LINGO2: variants seen among roughly 807,000 people sequenced by gnomAD.
LINGO2 encodes leucine rich repeat and Ig domain containing 2.
LINGO2 carries 14 observed loss-of-function variants against 30.6 expected under a neutral mutation model. That is an observed-to-expected ratio of 0.46 (90% CI 0.30 to 0.72). The LOEUF is 0.72. Among genes scored for constraint, LINGO2 ranks in the 30% least tolerant of loss-of-function variants. The pLI is 0.07. For synonymous variants in LINGO2, 317 were observed against 288.5 expected (o/e 1.10, Z -1.00); for missense variants, 729 against 751.7 (o/e 0.97, Z 0.35).
chr9:28,870,676 G>T, the LINGO2 span, among the ~76,000 whole-genome samples: 1 of 151,846 alleles, frequency 6.6e-6, no homozygotes, highest in Non-Finnish European at 1.5e-5. Flanking sequence ...TACCGTACTT[G>T]GTGTCTATAG....
the LINGO2 span, among the ~76,000 whole-genome samples, chr9:28,752,352 G>C: frequency 6.6e-6 from 1 of 151,974 alleles, no homozygotes; most frequent in African/African-American, 2.4e-5. Context: ...AATAGCCGGA[G>C]AGATATAACT....
chr9:28,445,923 AAG>A (rs1257377117), intron 2 of LINGO2, among the ~76,000 whole-genome samples: 2 of 152,230 alleles, frequency 1.3e-5, no homozygotes, highest in Non-Finnish European at 2.9e-5. Flanking sequence ...GAATTCAAAA[AAG>A]GAGAGATTCT....
chr9:28,027,017 C>CA (rs1269152034), intron 4 of LINGO2, among the ~76,000 whole-genome samples: 1 of 152,132 alleles, frequency 6.6e-6, no homozygotes, highest in Admixed American at 6.5e-5. Context: ...GACAGGCTGC[C>CA]AGCTGTATAG....
intron 4 of LINGO2, among the ~76,000 whole-genome samples, chr9:28,164,042 T>G (rs1587118605): frequency 6.6e-6 from 1 of 152,154 alleles, no homozygotes; most frequent in Admixed American, 6.6e-5. Context: ...TAATCAGGAG[T>G]AAATTTTCTC....
intron 1 of LINGO2, among the ~76,000 whole-genome samples, chr9:28,561,464 A>G (rs961263696): frequency 6.6e-6 from 1 of 150,880 alleles, no homozygotes; most frequent in African/African-American, 2.4e-5. Flanking sequence ...ACCTCAGGAG[A>G]TTTGTCCCTG....
rs188921344 is a variant in LINGO2, at chr9:28,618,604, T to C, written c.-365+51596A>G. Among the ~76,000 whole-genome samples, 865 of 152,278 alleles carry C rather than the reference T, an allele frequency of 5.7e-3. 5 individuals carry two copies. Among genetic ancestry groups the C allele is most frequent in the Non-Finnish European group, 7.5e-3 (509 of 68,008 alleles). Reference sequence around the variant, plus strand: ...AGGCTCACAATGACCTGTATGATCTTGCCCTACTTATATATTCAGTTTCTT... The same window carrying C: ...AGGCTCACAATGACCTGTATGATCTCGCCCTACTTATATATTCAGTTTCTT... On this transcript the variant is annotated intron_variant, in intron 1 of 5. Transcript: ENST00000379992.
the LINGO2 span, among the ~76,000 whole-genome samples, chr9:28,780,080 A>G: frequency 6.6e-6 from 1 of 152,166 alleles, no homozygotes; most frequent in Non-Finnish European, 1.5e-5. Flanking sequence ...GGAACCTGAC[A>G]GTAAATGACC....
rs569821164 is a variant in LINGO2, at chr9:28,180,843, A to T, written c.-87+114365T>A. On this transcript the variant is annotated intron_variant, in intron 4 of 5. Coordinates refer to ENST00000379992, the Ensembl canonical transcript of LINGO2. ...CATTCACACATAGACACACACACAC[A>T]CACAGAAAGAAATGTGCAGCATTTG... is the stretch of plus-strand genomic sequence containing the variant. Among the ~76,000 whole-genome samples, 47 of 152,246 alleles carry T rather than the reference A, an allele frequency of 3.1e-4. 1 individual carries two copies. Among genetic ancestry groups the T allele is most frequent in the African/African-American group, 1.1e-3 (45 of 41,550 alleles).
intron 3 of LINGO2, among the ~76,000 whole-genome samples, chr9:28,341,077 C>G (rs1825750830): frequency 6.6e-6 from 1 of 152,024 alleles, no homozygotes; most frequent in South Asian, 2.1e-4. Context: ...ATACTGTTAT[C>G]TGGATTGTTT....
the LINGO2 span, among the ~76,000 whole-genome samples, chr9:28,968,652 T>C: frequency 2.5e-4 from 38 of 152,274 alleles, 1 homozygote; most frequent in South Asian, 7.7e-3. Context: ...TGTTCCAATA[T>C]AAATGCAGAG....
At chr9:28,683,653 G>T in the LINGO2 span, among the ~76,000 whole-genome samples, 1 of 152,072 alleles carries the variant, frequency 6.6e-6, no homozygotes, top group Non-Finnish European at 1.5e-5. Flanking sequence ...TTAAATATTT[G>T]TTTTCAGAAT....
At chr9:28,561,754 TA>T in intron 1 of LINGO2, among the ~76,000 whole-genome samples, 1 of 104,154 alleles carries the variant, frequency 9.6e-6, no homozygotes, top group East Asian at 2.4e-4. Context: ...TGTGTGTATA[TA>T]TATATATATA....
chr9:28,391,751 A>T (rs1821842965), intron 2 of LINGO2, among the ~76,000 whole-genome samples: 1 of 152,112 alleles, frequency 6.6e-6, no homozygotes, highest in Non-Finnish European at 1.5e-5. Context: ...GAAATTCTTT[A>T]TAATTATTTT....
intron 4 of LINGO2, among the ~76,000 whole-genome samples, chr9:28,088,538 T>A (rs929880586): frequency 2.6e-5 from 4 of 151,996 alleles, no homozygotes; most frequent in Non-Finnish European, 4.4e-5. Flanking sequence ...TGTAGGTATA[T>A]CCCAGGTCTA....
intron 3 of LINGO2, among the ~76,000 whole-genome samples, chr9:28,351,624 G>A (rs1191164093): frequency 1.4e-5 from 2 of 143,808 alleles, no homozygotes; most frequent in African/African-American, 2.6e-5. Flanking sequence ...AATAGAAAAA[G>A]AGGGAATCCT....
the LINGO2 span, among the ~76,000 whole-genome samples, chr9:29,046,380 C>A: frequency 3.8e-3 from 574 of 152,106 alleles, 1 homozygote; most frequent in Non-Finnish European, 6.4e-3. Context: ...CAAAACAGCA[C>A]AATACTTGTA....
the LINGO2 span, among the ~76,000 whole-genome samples, chr9:28,941,042 A>G: frequency 6.8e-4 from 103 of 152,198 alleles, no homozygotes; most frequent in Non-Finnish European, 1.2e-3. Flanking sequence ...GAAAGGGAAG[A>G]AGGGAGGAAA....
At chr9:28,335,164 C>T (rs1825550088) in intron 3 of LINGO2, among the ~76,000 whole-genome samples, 1 of 152,142 alleles carries the variant, frequency 6.6e-6, no homozygotes, top group Non-Finnish European at 1.5e-5. Flanking sequence ...AGGATCAATG[C>T]TGAGGCTTAG....
intron 1 of LINGO2, among the ~76,000 whole-genome samples, chr9:28,557,211 C>A (rs1314883339): frequency 1.3e-5 from 2 of 151,886 alleles, no homozygotes; most frequent in Non-Finnish European, 2.9e-5. Flanking sequence ...GAACAGGCAA[C>A]CTACAAAATG....
Sources: allele counts gnomAD v4.1 joint callset (sites outside exome capture counted in the v4.1 genomes callset), GRCh38; gene constraint gnomAD v4.1.1; transcripts MANE v1.5; gene names NCBI Gene and HGNC (gene_info 2026-07-23, HGNC 2026-07-21).